PDZRN4: variants seen among roughly 807,000 people sequenced by gnomAD.
PDZRN4 encodes PDZ domain containing ring finger 4, also known as PDZ domain-containing RING finger protein 4.
Under a neutral mutation model 99.0 loss-of-function variants are expected in PDZRN4, and 70 were observed. The observed-to-expected ratio is 0.71, with a 90% confidence interval of 0.58 to 0.86. The LOEUF (loss-of-function observed/expected upper bound fraction) is 0.86. Among genes scored for constraint, PDZRN4 ranks in the 40% least tolerant of loss-of-function variants. PDZRN4 has a pLI of 0.00. For synonymous variants in PDZRN4, 551 were observed against 501.6 expected (o/e 1.10, Z -1.32); for missense variants, 1,474 against 1,331.2 (o/e 1.11, Z -1.67).
chr12:41,314,004 T>A (rs1372648672), intron 3 of PDZRN4, among the ~76,000 whole-genome samples: 2 of 152,230 alleles, frequency 1.3e-5, no homozygotes, highest in Non-Finnish European at 2.9e-5. Context: ...TTCATTCTTA[T>A]GTGTTAGAAA....
chr12:41,430,466 TAAAA>T (rs528553273), intron 3 of PDZRN4, among the ~76,000 whole-genome samples: 2 of 135,118 alleles, frequency 1.5e-5, no homozygotes. Context: ...AGACTCCATC[TAAAA>T]AAAAAAAAAA....
intron 5 of PDZRN4, among the ~76,000 whole-genome samples, chr12:41,544,912 A>G (rs1229788033): frequency 6.6e-6 from 1 of 152,124 alleles, no homozygotes; most frequent in Non-Finnish European, 1.5e-5. Context: ...TTGCTGTGTG[A>G]CTTTGGGCCC....
At chr12:41,499,636 C>T (rs1938075463) in intron 3 of PDZRN4, among the ~76,000 whole-genome samples, 1 of 152,010 alleles carries the variant, frequency 6.6e-6, no homozygotes, top group African/African-American at 2.4e-5. Context: ...GCAGTTGCAA[C>T]AGATACATCC....
In PDZRN4 at chr12:41,502,469, T is replaced by A. The variant is rs564963139; in HGVS notation, c.844-3987T>A. ...CTTCTGCATGCAAACTCAAACCCCATAACACATGGGTATTTTTTTCAGTAA... is the reference window on the plus strand; with the variant it reads ...CTTCTGCATGCAAACTCAAACCCCAAAACACATGGGTATTTTTTTCAGTAA... On this transcript the variant is annotated intron_variant, in intron 3 of 9. Coordinates refer to ENST00000402685, the MANE Select transcript of PDZRN4 (RefSeq NM_001164595.2). Among the ~76,000 whole-genome samples, 41 of 152,254 alleles carry A rather than the reference T, an allele frequency of 2.7e-4. No individual in the cohort carries two copies. In the South Asian group the frequency reaches 3.5e-3, roughly 13 times the overall value.
intron 3 of PDZRN4, among the ~76,000 whole-genome samples, chr12:41,355,014 A>G (rs1248771493): frequency 6.6e-6 from 1 of 152,086 alleles, no homozygotes; most frequent in Non-Finnish European, 1.5e-5. Context: ...TGGGGAAAGC[A>G]CCACACTGTT....
intron 3 of PDZRN4, among the ~76,000 whole-genome samples, chr12:41,416,570 T>C (rs1952447079): frequency 1.3e-5 from 2 of 151,822 alleles, no homozygotes; most frequent in South Asian, 4.2e-4. Flanking sequence ...GGCAGGAGAA[T>C]AGCTTGAACC....
chr12:41,292,958 T>C (rs538079221), intron 3 of PDZRN4, among the ~76,000 whole-genome samples: 1 of 151,646 alleles, frequency 6.6e-6, no homozygotes, highest in East Asian at 2.0e-4. Flanking sequence ...TTTTCTGAGA[T>C]ACGGCTAGGA....
chr12:41,563,310 T>A (rs80017348), intron 7 of PDZRN4, among the ~76,000 whole-genome samples: 4 of 152,158 alleles, frequency 2.6e-5, no homozygotes, highest in Non-Finnish European at 5.9e-5. Flanking sequence ...AGGGCGCAGG[T>A]TGGACATTTA....
chr12:41,413,563 G>A (rs1458091647), intron 3 of PDZRN4, among the ~76,000 whole-genome samples: 1 of 152,212 alleles, frequency 6.6e-6, no homozygotes, highest in East Asian at 1.9e-4. Flanking sequence ...TAAGATGACG[G>A]ACGTGCTAAT....
intron 3 of PDZRN4, among the ~76,000 whole-genome samples, chr12:41,449,132 A>C (rs1473626119): frequency 6.6e-6 from 1 of 152,178 alleles, no homozygotes. Context: ...CTTTCTTTCC[A>C]GAATCCTCCC....
intron 3 of PDZRN4, among the ~76,000 whole-genome samples, chr12:41,284,141 G>C (rs150843762): frequency 3.9e-4 from 59 of 152,270 alleles, no homozygotes; most frequent in African/African-American, 1.4e-3. Context: ...TCCTTAAGCT[G>C]ATAAGCAACT....
intron 3 of PDZRN4, among the ~76,000 whole-genome samples, chr12:41,198,622 AG>A (rs1376304557): frequency 6.6e-5 from 5 of 76,028 alleles, no homozygotes; most frequent in Admixed American, 5.0e-4. Context: ...GGGTGGGGGG[AG>A]GGGGGAGGGA....
At chr12:41,345,380 C>T (rs890655684) in intron 3 of PDZRN4, among the ~76,000 whole-genome samples, 3 of 152,152 alleles carry the variant, frequency 2.0e-5, no homozygotes, top group African/African-American at 7.2e-5. Context: ...TCTTTACTGA[C>T]TCAGCTACTG....
chr12:41,312,158 A>G (rs916974546), intron 3 of PDZRN4, among the ~76,000 whole-genome samples: 1 of 152,142 alleles, frequency 6.6e-6, no homozygotes. Flanking sequence ...CATTTTGTCC[A>G]AAATGTCTTC....
At chr12:41,353,892 G>C (rs918786739) in intron 3 of PDZRN4, among the ~76,000 whole-genome samples, 2 of 152,076 alleles carry the variant, frequency 1.3e-5, no homozygotes, top group African/African-American at 4.8e-5. Context: ...TTTCATATCA[G>C]CCTAAGGAGT....
intron 3 of PDZRN4, among the ~76,000 whole-genome samples, chr12:41,293,487 C>T (rs1261901981): frequency 6.6e-6 from 1 of 151,872 alleles, no homozygotes; most frequent in Non-Finnish European, 1.5e-5. Flanking sequence ...GTGGCCCCAA[C>T]TCTCTCTGCC....
chr12:41,506,709 A>T lies in PDZRN4; in HGVS notation c.1097A>T (p.Asp366Val). Residue 366 changes from aspartate (D) to valine (V), a missense_variant, in exon 4 of 10, where the codon GAC (aspartate) becomes GTC (valine). Coordinates refer to ENST00000402685, the MANE Select transcript of PDZRN4 (RefSeq NM_001164595.2). ...GACATCTGTCCATTCCTGCTCTCAG[A>T]CAGGTATTTTTCTATCATTTCTTCC... ...VPDICPFLLS[D>V]SCHSLHPMEH... 1 of 1,603,826 alleles carries T rather than the reference A, an allele frequency of 6.2e-7. No homozygotes were observed. Among genetic ancestry groups the T allele is most frequent in the Non-Finnish European group, 8.5e-7 (1 of 1,174,364 alleles).
intron 3 of PDZRN4, among the ~76,000 whole-genome samples, chr12:41,451,739 T>A (rs1019027696): frequency 2.0e-5 from 3 of 152,226 alleles, no homozygotes; most frequent in Non-Finnish European, 4.4e-5. Context: ...TCTGTGCTGA[T>A]GAACATGATC....
chr12:41,471,109 T>A (rs1359486886), intron 3 of PDZRN4, among the ~76,000 whole-genome samples: 1 of 152,210 alleles, frequency 6.6e-6, no homozygotes, highest in Non-Finnish European at 1.5e-5. Flanking sequence ...ATGACCCCTT[T>A]AAGAAACTTG....
Sources: gnomAD v4.1 joint callset for allele counts (sites outside exome capture counted in the v4.1 genomes callset) on GRCh38, gnomAD v4.1.1 for gene constraint, MANE v1.5 for transcripts, NCBI Gene and HGNC (gene_info 2026-07-23, HGNC 2026-07-21) for gene names.